SCFD2: variants seen among roughly 807,000 people sequenced by gnomAD.
The protein encoded by SCFD2 is sec1 family domain containing 2, also known as sec1 family domain-containing protein 2.
In SCFD2, 54 loss-of-function variants were observed where a neutral mutation model predicts 58.9. The ratio of observed to expected loss-of-function variants is 0.92; its 90% confidence interval spans 0.74 to 1.15. The LOEUF (loss-of-function observed/expected upper bound fraction) is 1.15. Ranked by LOEUF, SCFD2 falls within the 50% of genes most tolerant of loss-of-function variation. SCFD2 has a pLI of 0.00. For synonymous variants in SCFD2, 321 were observed against 335.9 expected (o/e 0.96, Z 0.49); for missense variants, 805 against 836.6 (o/e 0.96, Z 0.47).
intron 4 of SCFD2, among the ~76,000 whole-genome samples, chr4:53,169,097 C>T (rs1210551494): frequency 2.0e-5 from 3 of 152,176 alleles, no homozygotes; most frequent in East Asian, 1.9e-4. Context: ...ATGCATAGGC[C>T]GGGCGTGGTG....
At chr4:52,993,032 C>A (rs1477977387) in intron 5 of SCFD2, among the ~76,000 whole-genome samples, 6 of 151,808 alleles carry the variant, frequency 4.0e-5, no homozygotes, top group Non-Finnish European at 8.8e-5. Flanking sequence ...TAGGAGACTC[C>A]ATTTTGTTCT....
intron 5 of SCFD2, among the ~76,000 whole-genome samples, chr4:52,937,474 C>G (rs1720169316): frequency 6.6e-6 from 1 of 152,182 alleles, no homozygotes; most frequent in Admixed American, 6.5e-5. Context: ...GAGAAGCAGA[C>G]CATCTGCAAG....
chr4:52,987,052 C>T (rs180881126), intron 5 of SCFD2, among the ~76,000 whole-genome samples: 6 of 151,956 alleles, frequency 3.9e-5, no homozygotes, highest in South Asian at 2.1e-4. Flanking sequence ...TTTTTTGAGA[C>T]GGAGTCTCGC....
chr4:53,246,489 A>G (rs1380472388), intron 4 of SCFD2, among the ~76,000 whole-genome samples: 11 of 152,214 alleles, frequency 7.2e-5, no homozygotes, highest in Non-Finnish European at 1.5e-4. Flanking sequence ...GTACTAGTGC[A>G]AAAACAGACA....
At chr4:52,933,839 T>C (rs301114) in intron 5 of SCFD2, among the ~76,000 whole-genome samples, 24,525 of 152,086 alleles carry the variant, frequency 0.16, 4,522 homozygotes, top group African/African-American at 0.45. Flanking sequence ...GGAGGTGGGG[T>C]CTCATGGGTC....
intron 7 of SCFD2, among the ~76,000 whole-genome samples, chr4:52,896,523 T>C (rs1719018091): frequency 6.6e-6 from 1 of 152,182 alleles, no homozygotes; most frequent in Non-Finnish European, 1.5e-5. Flanking sequence ...GGTCTATATC[T>C]CTGTTTTGGT....
At chr4:52,902,064 C>T (rs1203227025) in intron 7 of SCFD2, among the ~76,000 whole-genome samples, 3 of 152,224 alleles carry the variant, frequency 2.0e-5, no homozygotes, top group Non-Finnish European at 4.4e-5. Flanking sequence ...CTTTGCAGAG[C>T]ACAGCTCTTG....
At chr4:53,166,497 GTA>G (rs1727012828) in intron 4 of SCFD2, among the ~76,000 whole-genome samples, 1 of 152,038 alleles carries the variant, frequency 6.6e-6, no homozygotes, top group South Asian at 2.1e-4. Context: ...TTATAAGGAG[GTA>G]CATAGAGAGA....
rs114178905 is a variant in SCFD2, at chr4:53,042,918, G to A, written c.1561+102415C>T. The stretch of plus-strand genomic sequence containing the variant: ...AAGGTTGGGCTGAATCTTCACAGCC[G>A]GAGGTATTAGGACTTACTCTACTTA... On this transcript the variant is annotated intron_variant, in intron 5 of 8. Coordinates refer to ENST00000401642, the MANE Select transcript of SCFD2 (RefSeq NM_152540.4). Among the ~76,000 whole-genome samples, 504 of 152,104 alleles carry A rather than the reference G, an allele frequency of 3.3e-3. 5 individuals are homozygous for A. The highest frequency in any genetic ancestry group is 9.2e-3 in the Admixed American group (141 of 15,252).
intron 5 of SCFD2, among the ~76,000 whole-genome samples, chr4:53,090,633 A>G (rs528273944): frequency 2.0e-5 from 3 of 152,202 alleles, no homozygotes. Flanking sequence ...CTCAAGTGGG[A>G]TCTTTAGTAA....
chr4:53,069,520 G>T (rs1168664330), intron 5 of SCFD2, among the ~76,000 whole-genome samples: 1 of 151,886 alleles, frequency 6.6e-6, no homozygotes, highest in African/African-American at 2.4e-5. Flanking sequence ...TCAGTCATGG[G>T]GTATACAATT....
At chr4:52,950,936 G>C (rs941232074) in intron 5 of SCFD2, 28 of 152,188 alleles carry the variant, frequency 1.8e-4, no homozygotes, top group African/African-American at 6.0e-4. Context: ...GGTGATGGGG[G>C]ACCTGGAATT....
At chr4:53,304,708 C>G (rs760238500) in intron 3 of SCFD2, among the ~76,000 whole-genome samples, 18 of 151,960 alleles carry the variant, frequency 1.2e-4, no homozygotes, top group Non-Finnish European at 2.4e-4. Flanking sequence ...ACTGGTTATT[C>G]TAGTTCGCTA....
chr4:53,159,977 C>T (rs1416418118), intron 4 of SCFD2, among the ~76,000 whole-genome samples: 2 of 152,144 alleles, frequency 1.3e-5, no homozygotes, highest in Admixed American at 1.3e-4. Flanking sequence ...TTCCAAAGTC[C>T]TCTAACAGGG....
intron 5 of SCFD2, among the ~76,000 whole-genome samples, chr4:53,133,753 CT>C (rs1423390486): frequency 6.6e-6 from 1 of 152,134 alleles, no homozygotes; most frequent in African/African-American, 2.4e-5. Flanking sequence ...AAAACAAATC[CT>C]CAACTCCTTC....
chr4:53,150,446 T>G (rs1726471619), intron 4 of SCFD2, among the ~76,000 whole-genome samples: 1 of 152,214 alleles, frequency 6.6e-6, no homozygotes, highest in Admixed American at 6.5e-5. Context: ...GTGCTATCCA[T>G]AAAAGCATGG....
intron 5 of SCFD2, among the ~76,000 whole-genome samples, chr4:52,997,025 T>C (rs1175645622): frequency 6.6e-6 from 1 of 152,214 alleles, no homozygotes; most frequent in Non-Finnish European, 1.5e-5. Context: ...ATCAGGCACA[T>C]TCCAAACGTT....
At chr4:53,025,717 C>T (rs531851703) in intron 5 of SCFD2, among the ~76,000 whole-genome samples, 5 of 152,308 alleles carry the variant, frequency 3.3e-5, no homozygotes, top group African/African-American at 7.2e-5. Context: ...AAAACTACCA[C>T]ATTGTGAGCT....
intron 5 of SCFD2, among the ~76,000 whole-genome samples, chr4:53,023,982 G>A (rs1015329019): frequency 6.6e-6 from 1 of 152,174 alleles, no homozygotes; most frequent in Non-Finnish European, 1.5e-5. Context: ...ACAAGCCAGA[G>A]TTCTAGAGAC....
Sources: allele counts gnomAD v4.1 joint callset (sites outside exome capture counted in the v4.1 genomes callset), GRCh38; gene constraint gnomAD v4.1.1; transcripts MANE v1.5; gene names NCBI Gene and HGNC (gene_info 2026-07-23, HGNC 2026-07-21).